The following DENND2B variants were observed in gnomAD, a reference collection of about 807,000 sequenced individuals.
The protein encoded by DENND2B is DENN domain containing 2B, also known as DENN domain-containing protein 2B.
In DENND2B, 32 loss-of-function variants were observed where a neutral mutation model predicts 116.0. That is an observed-to-expected ratio of 0.28 (90% CI 0.21 to 0.37). The LOEUF is 0.37. Ranked by LOEUF, DENND2B falls within the 10% of genes least tolerant of loss-of-function variation. DENND2B has a pLI of 1.00. For missense variants in DENND2B, 1,276 were observed against 1,477.7 expected (o/e 0.86, Z 2.24); for synonymous variants, 588 against 583.9 (o/e 1.01, Z -0.10).
chr11:8,750,976 G>A (rs2134047331), intron 1 of DENND2B, among the ~76,000 whole-genome samples: 1 of 152,258 alleles, frequency 6.6e-6, no homozygotes, highest in Non-Finnish European at 1.5e-5. Context: ...TCTAGCTCAA[G>A]GTTTGTGAAC....
At chr11:8,695,798 G>A in intron 18 of DENND2B, 1 of 537,202 alleles carries the variant, frequency 1.9e-6, no homozygotes, top group Non-Finnish European at 3.4e-6. Flanking sequence ...ACTAGGTGAG[G>A]AGGCTGCTTC....
At chr11:8,884,647 A>G (rs190082525) in intron 1 of DENND2B, among the ~76,000 whole-genome samples, 8 of 152,330 alleles carry the variant, frequency 5.3e-5, no homozygotes, top group Admixed American at 5.2e-4. Context: ...CAAAACAGAG[A>G]TAAGTCACAG....
chr11:8,893,801 T>C (rs1467681510), intron 1 of DENND2B, among the ~76,000 whole-genome samples: 4 of 151,992 alleles, frequency 2.6e-5, no homozygotes, highest in Non-Finnish European at 1.5e-5. Context: ...AGAATCAATA[T>C]TGTGAAAATG....
intron 1 of DENND2B, among the ~76,000 whole-genome samples, chr11:8,768,977 A>G (rs2056385683): frequency 6.6e-6 from 1 of 152,170 alleles, no homozygotes; most frequent in Non-Finnish European, 1.5e-5. Flanking sequence ...GCCTGCAGGA[A>G]CCTCATGGAA....
chr11:8,773,657 G>A (rs1381374891), intron 1 of DENND2B, among the ~76,000 whole-genome samples: 2 of 152,162 alleles, frequency 1.3e-5, no homozygotes, highest in Non-Finnish European at 2.9e-5. Flanking sequence ...CAGAACTGGG[G>A]AAGAAATAAT....
chr11:8,814,199 G>T (rs966974371), upstream of DENND2B, among the ~76,000 whole-genome samples: 2 of 148,604 alleles, frequency 1.3e-5, no homozygotes, highest in African/African-American at 5.0e-5. Flanking sequence ...CTTAATTATT[G>T]CAAAAACCTC....
intron 2 of DENND2B, among the ~76,000 whole-genome samples, chr11:8,739,669 C>T (rs1183562461): frequency 6.6e-6 from 1 of 152,236 alleles, no homozygotes; most frequent in East Asian, 1.9e-4. Flanking sequence ...TGCTGCTCAA[C>T]ACAGGCATGG....
intron 1 of DENND2B, among the ~76,000 whole-genome samples, chr11:8,906,184 C>A (rs1445291788): frequency 6.8e-6 from 1 of 147,692 alleles, no homozygotes; most frequent in Non-Finnish European, 1.5e-5. Flanking sequence ...CATTATACCT[C>A]AATAAAGAAG....
At chr11:8,901,000 C>A (rs1336285761) in intron 1 of DENND2B, among the ~76,000 whole-genome samples, 1 of 150,960 alleles carries the variant, frequency 6.6e-6, no homozygotes, top group African/African-American at 2.4e-5. Context: ...ATCTGCCCAC[C>A]TTGGCCTCCC....
intron 1 of DENND2B, among the ~76,000 whole-genome samples, chr11:8,758,501 A>G (rs549618807): frequency 2.0e-5 from 3 of 152,294 alleles, no homozygotes; most frequent in South Asian, 4.1e-4. Flanking sequence ...AGCTCCTGGG[A>G]AAAAGAGTTT....
rs1398760453 is a variant in DENND2B at position 8,906,510 on chromosome 11, A to T, written c.-256+4311T>A. ...CACCGCGCCCAGCCAAGAAGTCTTCAAAAAAAAAAAAAAAAAAACTCTACA... is the reference window on the plus strand; with the variant it reads ...CACCGCGCCCAGCCAAGAAGTCTTCTAAAAAAAAAAAAAAAAAACTCTACA... On this transcript the variant is annotated intron_variant, in intron 1 of 22. Transcript: ENST00000534127. Among the ~76,000 whole-genome samples, 9 of 27,262 alleles carry T rather than the reference A, an allele frequency of 3.3e-4. No homozygotes were observed. In the East Asian group the frequency reaches 0.029, roughly 87 times the overall value. 17.9% of individuals were successfully genotyped at this position (27,262 alleles called of 152,430 possible).
chr11:8,859,319 T>C (rs2063311019), intron 2 of DENND2B, among the ~76,000 whole-genome samples: 1 of 152,058 alleles, frequency 6.6e-6, no homozygotes, highest in South Asian at 2.1e-4. Context: ...TGTTTGTTTG[T>C]TTTTTTGAGA....
At chr11:8,798,466 C>G (rs767292161) in intron 1 of DENND2B, among the ~76,000 whole-genome samples, 38 of 152,152 alleles carry the variant, frequency 2.5e-4, no homozygotes, top group Non-Finnish European at 5.4e-4. Flanking sequence ...TCCCAACCCC[C>G]CCAATGACAA....
At chr11:8,889,973 C>T (rs534584669) in intron 1 of DENND2B, among the ~76,000 whole-genome samples, 1 of 152,328 alleles carries the variant, frequency 6.6e-6, no homozygotes, top group Admixed American at 6.5e-5. Context: ...CCCGAGTAGC[C>T]TAACTGGGAG....
chr11:8,760,586 C>A (rs532180829), intron 1 of DENND2B, among the ~76,000 whole-genome samples: 1 of 152,192 alleles, frequency 6.6e-6, no homozygotes, highest in Admixed American at 6.5e-5. Flanking sequence ...ACACTGCACT[C>A]CAGCCTGGGT....
In DENND2B at chr11:8,892,789, T is replaced by C. The variant is rs1719682115; in HGVS notation, c.-255-11680A>G. 3.3e-5 allele frequency among the ~76,000 whole-genome samples: 5 copies of C among 152,084 alleles called. No homozygotes were observed. The South Asian group carries it at 1.0e-3, about 32-fold the overall frequency. ...CAACCAAAAAAAGTCCAGGACCAAA[T>C]GGATTCACAGTCGAATTCTACCAGA... On this transcript the variant is annotated intron_variant, in intron 1 of 22. Coordinates refer to the DENND2B transcript ENST00000534127.
chr11:8,744,424 G>A (rs1361428859), intron 2 of DENND2B, among the ~76,000 whole-genome samples: 1 of 152,202 alleles, frequency 6.6e-6, no homozygotes, highest in Non-Finnish European at 1.5e-5. Context: ...ATCAGCCACC[G>A]CACCCAGCCA....
rs1380105587 is a variant in DENND2B, at chr11:8,793,875, A to T, written c.-26+16642T>A. Reference sequence around the variant, plus strand: ...TTCTCACCAACACTTCTTACTTTCCATTTTTTTAAATTAAGAGCATAAACT... The same window carrying T: ...TTCTCACCAACACTTCTTACTTTCCTTTTTTTTAAATTAAGAGCATAAACT... On this transcript the variant is annotated intron_variant, in intron 1 of 19. Transcript: ENST00000313726. Among the ~76,000 whole-genome samples the T allele has an allele frequency of 2.0e-5, 3 of 152,174 alleles. No individual in the cohort carries two copies. In the East Asian group the frequency reaches 5.8e-4, roughly 29 times the overall value.
At chr11:8,811,606 C>G (rs914493639), upstream of DENND2B, 20 of 353,644 alleles carry the variant, frequency 5.7e-5, no homozygotes, top group Admixed American at 1.9e-4. Flanking sequence ...TCCTCTCCCC[C>G]CTACCCAGCA....
Sources: gnomAD v4.1 joint callset for allele counts (sites outside exome capture counted in the v4.1 genomes callset) on GRCh38, gnomAD v4.1.1 for gene constraint, MANE v1.5 for transcripts, NCBI Gene and HGNC (gene_info 2026-07-23, HGNC 2026-07-21) for gene names.